CMSS1: variants seen among roughly 807,000 people sequenced by gnomAD.
CMSS1 encodes protein CMSS1.
A neutral mutation model predicts 43.5 loss-of-function variants in CMSS1; 33 were observed. The observed-to-expected ratio is 0.76, with a 90% confidence interval of 0.57 to 1.01. CMSS1 has a LOEUF of 1.01. Ranked by LOEUF, CMSS1 falls within the 50% of genes least tolerant of loss-of-function variation. The pLI, the probability that CMSS1 is intolerant of heterozygous loss-of-function variation, is 0.00. For missense variants in CMSS1, 313 were observed against 326.4 expected, an observed-to-expected ratio of 0.96 and a Z score of 0.32; for synonymous variants, 115 against 117.2, an observed-to-expected ratio of 0.98 and a Z score of 0.12.
At chr3:100,125,509 C>A (rs894800578) in intron 1 of CMSS1, among the ~76,000 whole-genome samples, 1 of 152,172 alleles carries the variant, frequency 6.6e-6, no homozygotes, top group South Asian at 2.1e-4. Context: ...AATGTTGTAA[C>A]GGGTCAAGTA....
intron 1 of CMSS1, among the ~76,000 whole-genome samples, chr3:99,923,801 C>T (rs1396358706): frequency 2.0e-5 from 3 of 152,246 alleles, no homozygotes; most frequent in Admixed American, 1.3e-4. Context: ...CAAGGCAAGC[C>T]TTTCCTTTTC....
chr3:99,916,543 T>C (rs1325031983), intron 1 of CMSS1, among the ~76,000 whole-genome samples: 2 of 151,994 alleles, frequency 1.3e-5, no homozygotes, highest in Non-Finnish European at 2.9e-5. Flanking sequence ...TGAGTGCTTT[T>C]TATGTGCTAG....
chr3:100,170,152 A>G (rs1222899978), intron 6 of CMSS1, among the ~76,000 whole-genome samples: 2 of 152,228 alleles, frequency 1.3e-5, no homozygotes, highest in African/African-American at 2.4e-5. Context: ...TAACCTTGCC[A>G]TGGAGAAAGC....
chr3:100,105,760 G>A (rs1165048400), intron 1 of CMSS1, among the ~76,000 whole-genome samples: 1 of 152,138 alleles, frequency 6.6e-6, no homozygotes, highest in Non-Finnish European at 1.5e-5. Flanking sequence ...CTTTTTAGAA[G>A]CCCATGCTTC....
chr3:99,993,731 T>TACACAGAA (rs1709591871), intron 1 of CMSS1, among the ~76,000 whole-genome samples: 1 of 152,216 alleles, frequency 6.6e-6, no homozygotes, highest in African/African-American at 2.4e-5. Context: ...TATATTGAGA[T>TACACAGAA]AATACAGTTT....
intron 1 of CMSS1, among the ~76,000 whole-genome samples, chr3:100,048,854 C>T (rs1283974896): frequency 6.6e-6 from 1 of 152,012 alleles, no homozygotes; most frequent in African/African-American, 2.4e-5. Flanking sequence ...ATCTGTTGTG[C>T]AGAATTATAT....
intron 1 of CMSS1, among the ~76,000 whole-genome samples, chr3:99,944,086 A>G (rs1014638416): frequency 2.0e-5 from 3 of 152,234 alleles, no homozygotes; most frequent in Non-Finnish European, 4.4e-5. Flanking sequence ...ATGAGATAAG[A>G]AAATAACTAG....
chr3:100,008,401 T>C (rs1710048438), intron 1 of CMSS1, among the ~76,000 whole-genome samples: 1 of 152,164 alleles, frequency 6.6e-6, no homozygotes, highest in Admixed American at 6.5e-5. Context: ...AAGATTTTCA[T>C]ATGAGTTGCA....
At chr3:100,098,609 G>T (rs2066253365) in intron 1 of CMSS1, among the ~76,000 whole-genome samples, 1 of 152,168 alleles carries the variant, frequency 6.6e-6, no homozygotes, top group Admixed American at 6.5e-5. Flanking sequence ...ATGCAAGGAA[G>T]TTATTTTTGT....
intron 1 of CMSS1, among the ~76,000 whole-genome samples, chr3:99,880,509 T>C (rs1576543732): frequency 6.6e-6 from 1 of 152,160 alleles, no homozygotes; most frequent in Non-Finnish European, 1.5e-5. Flanking sequence ...ATTATTCTGC[T>C]CATACTTCAG....
At chr3:99,934,167 A>G (rs1707583072) in intron 1 of CMSS1, among the ~76,000 whole-genome samples, 1 of 152,184 alleles carries the variant, frequency 6.6e-6, no homozygotes, top group Non-Finnish European at 1.5e-5. Context: ...AGCTCCCAAC[A>G]TCTCATTTGT....
intron 1 of CMSS1, among the ~76,000 whole-genome samples, chr3:99,880,556 G>A (rs1375809947): frequency 1.3e-5 from 2 of 152,100 alleles, no homozygotes. Flanking sequence ...TATGTACCTT[G>A]AGAAGTGATT....
At chr3:99,970,133 G>A (rs141513391) in intron 1 of CMSS1, among the ~76,000 whole-genome samples, 1,725 of 152,262 alleles carry the variant, frequency 0.011, 19 homozygotes, top group African/African-American at 0.025. Flanking sequence ...CATACTTTGC[G>A]TGCATTAAAT....
intron 2 of CMSS1, among the ~76,000 whole-genome samples, chr3:100,152,662 C>T (rs1359254975): frequency 4.6e-5 from 7 of 152,194 alleles, no homozygotes; most frequent in South Asian, 2.1e-4. Context: ...CTCAATTCAA[C>T]GCCTTCCTGT....
chr3:100,101,853 G>A (rs1396133470), intron 1 of CMSS1, among the ~76,000 whole-genome samples: 7 of 151,982 alleles, frequency 4.6e-5, no homozygotes, highest in South Asian at 2.1e-4. Flanking sequence ...TCCCACCTAC[G>A]AGTGAGAACA....
At chr3:99,999,641 C>T (rs1025283449) in intron 1 of CMSS1, among the ~76,000 whole-genome samples, 1 of 152,138 alleles carries the variant, frequency 6.6e-6, no homozygotes. Context: ...TCAGTCAGCG[C>T]TTTGCTAAAC....
chr3:100,036,206 C>T (rs1206578363), intron 1 of CMSS1, among the ~76,000 whole-genome samples: 1 of 152,160 alleles, frequency 6.6e-6, no homozygotes, highest in Non-Finnish European at 1.5e-5. Context: ...ATCAATGACA[C>T]CTTGTAGCAA....
At chr3:100,082,276 A>G (rs2065944621) in intron 1 of CMSS1, among the ~76,000 whole-genome samples, 1 of 152,254 alleles carries the variant, frequency 6.6e-6, no homozygotes, top group Non-Finnish European at 1.5e-5. Flanking sequence ...TAAGCTGCAC[A>G]TGTAAAAAGT....
rs553566326 is a variant in CMSS1 at position 99,906,287 on chromosome 3, A to G, written c.64+88244A>G. On this transcript the variant is annotated intron_variant, in intron 1 of 9. Coordinates refer to ENST00000421999, the MANE Select transcript of CMSS1 (RefSeq NM_032359.4). ...ATTTGTATTTCCCTGATGATTTATA[A>G]TGTTGAAACTCCCTTTCACATGCTT... Among the ~76,000 whole-genome samples the G allele has an allele frequency of 2.0e-5, 3 of 152,222 alleles. No individual in the cohort carries two copies. In the South Asian group the frequency reaches 6.2e-4, roughly 32 times the overall value.
Sources: gnomAD v4.1 joint callset for allele counts (sites outside exome capture counted in the v4.1 genomes callset) on GRCh38, gnomAD v4.1.1 for gene constraint, MANE v1.5 for transcripts, NCBI Gene and HGNC (gene_info 2026-07-23, HGNC 2026-07-21) for gene names.